The following OSTN variants were observed in gnomAD, a reference collection of about 807,000 sequenced individuals.
OSTN encodes the protein osteocrin.
OSTN carries 9 observed loss-of-function variants against 12.0 expected under a neutral mutation model. The ratio of observed to expected loss-of-function variants is 0.75; its 90% CI spans 0.45 to 1.30. The LOEUF is 1.30. OSTN is among the 50% of genes most tolerant of loss of function. The pLI is 0.00. For synonymous variants in OSTN, 59 were observed against 56.9 expected (o/e 1.04, Z -0.16); for missense variants, 148 against 152.3 (o/e 0.97, Z 0.15).
intron 1 of OSTN, among the ~76,000 whole-genome samples, chr3:191,210,993 A>G (rs770858209): frequency 5.3e-5 from 8 of 152,184 alleles, no homozygotes; most frequent in Non-Finnish European, 1.2e-4. Flanking sequence ...AACGTCAAAC[A>G]CATCTTTGTG....
chr3:191,244,046 T>C (rs1240997445), intron 3 of OSTN, among the ~76,000 whole-genome samples: 1 of 152,130 alleles, frequency 6.6e-6, no homozygotes, highest in Non-Finnish European at 1.5e-5. Context: ...GTAGTGGTAA[T>C]GCTCTATTTC....
intron 2 of OSTN, chr3:191,213,451 C>T (rs1412150775): frequency 6.6e-6 from 1 of 151,640 alleles, no homozygotes. Context: ...ATTCCTTGAA[C>T]AAAAAAAGCT....
chr3:191,239,921 G>T (rs1440818379), intron 3 of OSTN, among the ~76,000 whole-genome samples: 2 of 152,150 alleles, frequency 1.3e-5, no homozygotes, highest in African/African-American at 4.8e-5. Flanking sequence ...ACAATGACTA[G>T]TTATAAAAGT....
In OSTN at chr3:191,262,855, C is replaced by G. The variant is rs550416162; in HGVS notation, c.*13-11C>G. 4 of 701,770 alleles carry G rather than the reference C, an allele frequency of 5.7e-6. No individual in the cohort carries two copies. The highest frequency in any genetic ancestry group is 5.2e-5 in the African/African-American group (3 of 57,250). 43.5% of individuals were successfully genotyped at this position (701,770 alleles called of 1,614,324 possible). A position where few individuals can be genotyped will look rare whatever the true frequency, so the allele number is the denominator to read the frequency against. On this transcript the variant is annotated splice_polypyrimidine_tract_variant and intron_variant, in intron 4 of 4. Coordinates refer to ENST00000682035, the MANE Select transcript of OSTN (RefSeq NM_198184.2). ...CATTAGCTTTAACAATCTCAACTTTCGTTTTTGCAGATGCAACTTCCTTGG... is the reference window on the plus strand; with the variant it reads ...CATTAGCTTTAACAATCTCAACTTTGGTTTTTGCAGATGCAACTTCCTTGG...
At chr3:191,241,862 C>G (rs1360438128) in intron 3 of OSTN, among the ~76,000 whole-genome samples, 1 of 152,026 alleles carries the variant, frequency 6.6e-6, no homozygotes, top group Non-Finnish European at 1.5e-5. Context: ...GTGCAATTCT[C>G]AACTCATTTA....
chr3:191,201,223 A>G (rs1239737442), intron 1 of OSTN, among the ~76,000 whole-genome samples: 1 of 151,866 alleles, frequency 6.6e-6, no homozygotes, highest in African/African-American at 2.4e-5. Context: ...CTTAATACAA[A>G]CCATCTCCTC....
intron 3 of OSTN, among the ~76,000 whole-genome samples, chr3:191,232,623 G>T (rs1424070514): frequency 1.4e-5 from 2 of 139,134 alleles, no homozygotes; most frequent in African/African-American, 2.6e-5. Context: ...TTTTTGAGAC[G>T]CAGTTTTGCT....
chr3:191,247,172 T>C (rs1056718566), intron 3 of OSTN, among the ~76,000 whole-genome samples: 11 of 152,238 alleles, frequency 7.2e-5, no homozygotes, highest in Non-Finnish European at 1.3e-4. Flanking sequence ...GTTTTTCTTT[T>C]CTTTCAATAG....
At chr3:191,254,071 C>G (rs913033881) in intron 4 of OSTN, among the ~76,000 whole-genome samples, 2 of 152,204 alleles carry the variant, frequency 1.3e-5, no homozygotes, top group Admixed American at 6.5e-5. Context: ...TAGTCAGTCT[C>G]TTAGTCCTGA....
rs185645156 is a variant in OSTN at position 191,248,439 on chromosome 3, G to T, written c.318-1598G>T. On this transcript the variant is annotated intron_variant, in intron 3 of 4. Transcript: ENST00000682035. ...GCATTGAGGTTTTCATTCATGTTTA[G>T]CGTTTAAATTAGTATAAAGTAATTA... is the stretch of plus-strand genomic sequence containing the variant. Among the ~76,000 whole-genome samples, 234 of 152,232 alleles carry T rather than the reference G, an allele frequency of 1.5e-3. 1 individual carries two copies. Among genetic ancestry groups the T allele is most frequent in the Middle Eastern group, 6.8e-3 (2 of 294 alleles).
chr3:191,219,614 TTAAAG>T (rs1403390353), intron 3 of OSTN, among the ~76,000 whole-genome samples: 4 of 152,204 alleles, frequency 2.6e-5, no homozygotes, highest in African/African-American at 4.8e-5. Context: ...TGTCAGTAAT[TTAAAG>T]TAATCATTCC....
chr3:191,212,497 C>T lies in OSTN; in HGVS notation c.1-36C>T, dbSNP rs199898338. Reference sequence around the variant, plus strand: ...CTGTTTTTTGTCTTTACATTCCAAACGAATCAATGCTAACTATGACATATG... The same window carrying T: ...CTGTTTTTTGTCTTTACATTCCAAATGAATCAATGCTAACTATGACATATG... On this transcript the variant is annotated intron_variant, in intron 1 of 4. Transcript: ENST00000682035. The T allele has an allele frequency of 1.5e-4, 215 of 1,393,514 alleles. 1 individual carries two copies. The highest frequency in any genetic ancestry group is 1.2e-3 in the African/African-American group (83 of 69,900). The allele number at this position is 1,393,514 out of a possible 1,614,324, so 86.3% of individuals were successfully genotyped here.
chr3:191,212,992 T>A, intron 2 of OSTN, among the ~76,000 whole-genome samples: 1 of 147,302 alleles, frequency 6.8e-6, no homozygotes, highest in Non-Finnish European at 1.5e-5. Flanking sequence ...TGCCTCAGCC[T>A]CCCAAGTAGC....
Position 191,263,055 on chromosome 3 carries a change from G to A in OSTN, c.*202G>A, listed in dbSNP as rs1409483221. 6 of 510,632 alleles carry A rather than the reference G, an allele frequency of 1.2e-5. No homozygotes were observed. Among genetic ancestry groups the A allele is most frequent in the Non-Finnish European group, 1.7e-5 (5 of 287,482 alleles). The allele number at this position is 510,632 out of a possible 1,614,324, so 31.6% of individuals were successfully genotyped here. On this transcript the variant is annotated 3_prime_UTR_variant, in exon 5 of 5. Transcript: ENST00000682035. ...AATTGTGTAAATCATTTTGATGCAC[G>A]TACATTTTAAAATTATATATTTTAA... is the stretch of plus-strand genomic sequence containing the variant.
At chr3:191,207,342 T>A (rs935099715) in intron 1 of OSTN, among the ~76,000 whole-genome samples, 1 of 152,056 alleles carries the variant, frequency 6.6e-6, no homozygotes, top group Non-Finnish European at 1.5e-5. Flanking sequence ...CAGATGTTAA[T>A]CATAAATTTG....
chr3:191,246,328 G>A (rs896526353), intron 3 of OSTN, among the ~76,000 whole-genome samples: 4 of 151,892 alleles, frequency 2.6e-5, no homozygotes, highest in South Asian at 2.1e-4. Flanking sequence ...CTAGTAGGCC[G>A]GGTGTGGTGG....
intron 4 of OSTN, among the ~76,000 whole-genome samples, chr3:191,257,782 A>G (rs549151326): frequency 6.6e-6 from 1 of 152,336 alleles, no homozygotes; most frequent in South Asian, 2.1e-4. Context: ...TATTTCTCAA[A>G]GATTGCTAAA....
intron 3 of OSTN, among the ~76,000 whole-genome samples, chr3:191,224,665 A>C (rs1714865975): frequency 1.3e-5 from 2 of 152,130 alleles, no homozygotes. Flanking sequence ...ACTGAAATAT[A>C]GTAAAACTAG....
rs1016546665 is a variant in OSTN, at chr3:191,263,772, T to G, written c.*919T>G. On this transcript the variant is annotated 3_prime_UTR_variant, in exon 5 of 5. Transcript: ENST00000682035. Reference sequence around the variant, plus strand: ...TGTCTTATTATCCTTAGTAAGCCAATTGAAGAGCATAATGATTTTGAGAAT... The same window carrying G: ...TGTCTTATTATCCTTAGTAAGCCAAGTGAAGAGCATAATGATTTTGAGAAT... 2.0e-5 allele frequency: 3 copies of G among 152,204 alleles called. No individual in the cohort carries two copies. Among genetic ancestry groups the G allele is most frequent in the African/African-American group, 7.2e-5 (3 of 41,462 alleles). 9.4% of individuals were successfully genotyped at this position (152,204 alleles called of 1,614,324 possible). A position where few individuals can be genotyped will look rare whatever the true frequency, so the allele number is the denominator to read the frequency against.
Sources: gnomAD v4.1 joint callset for allele counts (sites outside exome capture counted in the v4.1 genomes callset) on GRCh38, gnomAD v4.1.1 for gene constraint, MANE v1.5 for transcripts, NCBI Gene and HGNC (gene_info 2026-07-23, HGNC 2026-07-21) for gene names.